Variants in MTHFD1 observed in about 807,000 individuals in gnomAD.
MTHFD1 encodes the protein methylenetetrahydrofolate dehydrogenase, cyclohydrolase and formyltetrahydrofolate synthetase 1.
In MTHFD1, 44 loss-of-function variants were observed where a neutral mutation model predicts 110.3. The observed-to-expected ratio is 0.40, with a 90% CI of 0.31 to 0.51. The LOEUF is 0.51. Ranked by LOEUF, MTHFD1 falls within the 20% of genes least tolerant of loss-of-function variation. The probability of loss-of-function intolerance (pLI) is 0.60; values close to 1 mark genes in which losing one functional copy is unlikely to be tolerated. For missense variants in MTHFD1, 909 were observed against 1,173.1 expected (o/e 0.77, Z 3.29); for synonymous variants, 402 against 428.8 (o/e 0.94, Z 0.77).
chr14:64,431,917 T>C (rs1326384609), intron 15 of MTHFD1, 56 bp downstream of exon 15: 7 of 1,477,754 alleles, frequency 4.7e-6, no homozygotes, highest in South Asian at 1.1e-5. Flanking sequence ...AATCTGATCA[T>C]TGATTAGGAC....
In MTHFD1 at chr14:64,449,729, G is replaced by A. The variant is rs144964585; in HGVS notation, c.2457+107G>A. On this transcript the variant is annotated intron_variant, in intron 24 of 27. Transcript: ENST00000652337. Reference sequence around the variant, plus strand: ...CCCCATGCTTCGCAGCTTCAGCCTTGCGGTTTGATTCCCACGTAGGTGACT... The same window carrying A: ...CCCCATGCTTCGCAGCTTCAGCCTTACGGTTTGATTCCCACGTAGGTGACT... 586 of 1,349,062 alleles carry A rather than the reference G, an allele frequency of 4.3e-4. 4 individuals carry two copies. In the African/African-American group the frequency reaches 7.6e-3, roughly 18 times the overall value. 83.6% of individuals were successfully genotyped at this position (1,349,062 alleles called of 1,614,324 possible).
At chr14:64,425,926 A>G in intron 10 of MTHFD1, 93 bp from the exon 11 acceptor site, 1 of 1,577,018 alleles carries the variant, frequency 6.3e-7, no homozygotes, top group Non-Finnish European at 8.7e-7. Flanking sequence ...AGGTGCCTTC[A>G]GTGGTTGGGG....
At position 64,417,777 on chromosome 14, in the gene MTHFD1, G is replaced by A; in HGVS notation, c.479-111G>A. The A allele has an allele frequency of 7.4e-7, 1 of 1,356,094 alleles. No homozygotes were observed. Among genetic ancestry groups the A allele is most frequent in the Non-Finnish European group, 1.0e-6 (1 of 954,422 alleles). 84.0% of individuals were successfully genotyped at this position (1,356,094 alleles called of 1,614,324 possible). Reference sequence around the variant, plus strand: ...AAGGAATGCTTTTAGGAAGGTTTCTGTTTGATGTTAAGAACCTGTTTTTGT... The same window carrying A: ...AAGGAATGCTTTTAGGAAGGTTTCTATTTGATGTTAAGAACCTGTTTTTGT... On this transcript the variant is annotated intron_variant, in intron 6 of 27. Transcript: ENST00000652337. The surrounding 1 kb of genome is among the most constrained non-coding windows in gnomAD (Gnocchi z 4.4).
chr14:64,406,290 C>T (rs1383009322), intron 2 of MTHFD1, among the ~76,000 whole-genome samples: 2 of 151,684 alleles, frequency 1.3e-5, no homozygotes, highest in Non-Finnish European at 2.9e-5. Flanking sequence ...CCGCCTGCCT[C>T]GGCCTCTCAA....
intron 1 of MTHFD1, chr14:64,388,904 C>G (rs1005976690): frequency 2.4e-5 from 6 of 250,174 alleles, no homozygotes; most frequent in African/African-American, 1.3e-4. Context: ...GTCCTTCCAG[C>G]TCATAGCTTT....
At position 64,417,997 on chromosome 14, in the gene MTHFD1, C is replaced by G. The variant is rs970133427; in HGVS notation, c.588C>G (p.His196Gln). Residue 196 changes from histidine to glutamine, a missense_variant, in exon 7 of 28, where the codon CAC becomes CAG. By Grantham distance (24) the His-to-Gln change is conservative (BLOSUM62 0). Coordinates refer to ENST00000652337, the MANE Select transcript of MTHFD1 (RefSeq NM_005956.4). This position sits in a 1 kb window ranked among gnomAD's most constrained non-coding sequence, Gnocchi z 4.4. ...LWNNATVTTC[H>Q]SKTAHLDEEV... Reference sequence around the variant, plus strand: ...ACAATGCCACAGTGACCACCTGCCACTCCAAGACTGCCCATCTGGATGAGG... The same window carrying G: ...ACAATGCCACAGTGACCACCTGCCAGTCCAAGACTGCCCATCTGGATGAGG... 6.2e-7 allele frequency: 1 copy of G among 1,614,124 alleles called. No individual in the cohort carries two copies. Among genetic ancestry groups the G allele is most frequent in the African/African-American group, 1.3e-5 (1 of 75,014 alleles).
Position 64,431,866 on chromosome 14 carries a change from G to C in MTHFD1, c.1494+5G>C, listed in dbSNP as rs903620368. On this transcript the variant is annotated splice_donor_5th_base_variant and intron_variant, in intron 15 of 27. Coordinates refer to ENST00000652337, the MANE Select transcript of MTHFD1 (RefSeq NM_005956.4). ...ATCCAAATCCGAAGGTTAAAGGTAA[G>C]CTTTTTTTCTTCCACATTTTTTATA... is the stretch of plus-strand genomic sequence containing the variant. 1 of 1,612,824 alleles carries C rather than the reference G, an allele frequency of 6.2e-7. No homozygotes were observed. Among genetic ancestry groups the C allele is most frequent in the Non-Finnish European group, 8.5e-7 (1 of 1,178,882 alleles).
At chr14:64,439,329 CT>C (rs1180913870) in intron 17 of MTHFD1, 157 bp downstream of exon 17, 1 of 669,600 alleles carries the variant, frequency 1.5e-6, no homozygotes, top group Non-Finnish European at 2.7e-6. Flanking sequence ...GCATTGAGCA[CT>C]CCTGACAGCT....
At position 64,404,837 on chromosome 14, in the gene MTHFD1, G is replaced by A. The variant is rs144246124; in HGVS notation, c.126+3960G>A. On this transcript the variant is annotated intron_variant, in intron 2 of 27. Coordinates refer to ENST00000652337, the MANE Select transcript of MTHFD1 (RefSeq NM_005956.4). ...AATACAAAAATTAGCCAGGTGTGGT[G>A]GTGCACACCTGTGATCACAGCTACT... Among the ~76,000 whole-genome samples, 970 of 152,184 alleles carry A rather than the reference G, an allele frequency of 6.4e-3. 12 individuals carry two copies. The highest frequency in any genetic ancestry group is 0.022 in the African/African-American group (934 of 41,530).
intron 2 of MTHFD1, 27 bp from the exon 3 acceptor site, chr14:64,411,063 C>G (rs370120826): frequency 7.8e-5 from 120 of 1,540,352 alleles, no homozygotes; most frequent in Non-Finnish European, 1.0e-4. Context: ...CCCTAATCAT[C>G]TGATTTGCAT....
intron 1 of MTHFD1, among the ~76,000 whole-genome samples, chr14:64,398,023 T>C (rs2077871005): frequency 6.6e-6 from 1 of 151,996 alleles, no homozygotes; most frequent in Non-Finnish European, 1.5e-5. Context: ...GTAGGGGTAT[T>C]AGGCTATGCC....
At chr14:64,449,332 G>C in intron 23 of MTHFD1, 113 bp from the exon 24 acceptor site, 4 of 1,264,222 alleles carry the variant, frequency 3.2e-6, no homozygotes, top group Non-Finnish European at 4.6e-6. Flanking sequence ...CAAATTTCTT[G>C]GTTAGTGTTC....
In MTHFD1 at chr14:64,442,250, T is replaced by C; in HGVS notation, c.1997-13T>C. 1 of 1,614,260 alleles carries C rather than the reference T, an allele frequency of 6.2e-7. No individual in the cohort carries two copies. The highest frequency in any genetic ancestry group is 1.1e-5 in the South Asian group (1 of 91,088). Reference sequence around the variant, plus strand: ...TTGGGATGGCATTTTTACTGTTGCTTTCCTCTTTACAGTGACGGAAGCAGG... The same window carrying C: ...TTGGGATGGCATTTTTACTGTTGCTCTCCTCTTTACAGTGACGGAAGCAGG... On this transcript the variant is annotated splice_polypyrimidine_tract_variant and intron_variant, in intron 20 of 27. Coordinates refer to ENST00000652337, the MANE Select transcript of MTHFD1 (RefSeq NM_005956.4).
Position 64,399,015 on chromosome 14 carries a change from T to G in MTHFD1, c.42-1778T>G, listed in dbSNP as rs58957808. On this transcript the variant is annotated intron_variant, in intron 1 of 27. Transcript: ENST00000652337. ...CTGCAGGAGGTTATACTTTTAGCCTTGTGTTAAATTCTTTGTAAAGAAAAT... is the reference window on the plus strand; with the variant it reads ...CTGCAGGAGGTTATACTTTTAGCCTGGTGTTAAATTCTTTGTAAAGAAAAT... Among the ~76,000 whole-genome samples the G allele has an allele frequency of 8.5e-4, 130 of 152,336 alleles. 2 individuals carry two copies. The East Asian group carries it at 9.4e-3, about 11-fold the overall frequency.
At chr14:64,407,971 A>C (rs1353018176) in intron 2 of MTHFD1, among the ~76,000 whole-genome samples, 1 of 152,234 alleles carries the variant, frequency 6.6e-6, no homozygotes, top group Non-Finnish European at 1.5e-5. Context: ...CTGTATCTTC[A>C]TAAGGTTTTC....
intron 1 of MTHFD1, among the ~76,000 whole-genome samples, chr14:64,391,168 T>C (rs1275607470): frequency 6.6e-6 from 1 of 152,164 alleles, no homozygotes; most frequent in African/African-American, 2.4e-5. Context: ...TCTTTCTTTC[T>C]TTCTTTTTAT....
In MTHFD1 at chr14:64,459,882, ATAG is replaced by A; in HGVS notation, c.*132_*134del. 2 of 1,536,036 alleles carry A rather than the reference ATAG, an allele frequency of 1.3e-6. No homozygotes were observed. The highest frequency in any genetic ancestry group is 1.7e-6 in the Non-Finnish European group (2 of 1,146,804). ...CCCCTGCCCAGAAGATCTGAAACTAATAGTAGGAGTTTCCCCAGAAGTCATTTT... is the reference window on the plus strand; with the variant it reads ...CCCCTGCCCAGAAGATCTGAAACTAATAGGAGTTTCCCCAGAAGTCATTTT... On this transcript the variant is annotated 3_prime_UTR_variant, in exon 28 of 28. Transcript: ENST00000652337.
intron 1 of MTHFD1, among the ~76,000 whole-genome samples, chr14:64,398,080 C>A (rs1300645609): frequency 3.3e-5 from 5 of 152,102 alleles, no homozygotes; most frequent in Non-Finnish European, 7.3e-5. Context: ...AGGGCTGGAA[C>A]TGCTGGGGAG....
intron 2 of MTHFD1, among the ~76,000 whole-genome samples, chr14:64,402,699 C>A (rs1366358628): frequency 4.0e-5 from 6 of 151,894 alleles, no homozygotes; most frequent in Non-Finnish European, 8.8e-5. Flanking sequence ...GTGGTCCCAA[C>A]TACATGAGAG....
Sources: gnomAD v4.1 joint callset for allele counts (sites outside exome capture counted in the v4.1 genomes callset) on GRCh38, gnomAD v4.1.1 for gene constraint, Gnocchi (gnomAD v3.1) non-coding constraint, MANE v1.5 for transcripts, NCBI Gene and HGNC (gene_info 2026-07-23, HGNC 2026-07-21) for gene names.